RFX6: variants seen among roughly 807,000 people sequenced by gnomAD.
The protein encoded by RFX6 is regulatory factor X6.
Under a neutral mutation model 110.8 loss-of-function variants are expected in RFX6, and 50 were observed. The ratio of observed to expected loss-of-function variants is 0.45; its 90% CI spans 0.36 to 0.57. The LOEUF (loss-of-function observed/expected upper bound fraction) is 0.57. Ranked by LOEUF, RFX6 falls within the 20% of genes least tolerant of loss-of-function variation. The probability of loss-of-function intolerance (pLI) is 0.00; values close to 1 mark genes in which losing one functional copy is unlikely to be tolerated. For synonymous variants in RFX6, 383 were observed against 411.2 expected (o/e 0.93, Z 0.83); for missense variants, 990 against 1,127.0 (o/e 0.88, Z 1.74).
intron 12 of RFX6, 77 bp from the exon 13 acceptor site, chr6:116,921,965 T>C: frequency 1.4e-6 from 1 of 726,896 alleles, no homozygotes; most frequent in Non-Finnish European, 2.4e-6. Flanking sequence ...TTCCAAGTTT[T>C]AGGTTTTCTC....
At chr6:116,914,935 A>C (rs1775431139) in intron 7 of RFX6, among the ~76,000 whole-genome samples, 2 of 152,224 alleles carry the variant, frequency 1.3e-5, no homozygotes, top group Non-Finnish European at 2.9e-5. Context: ...AAAGCACATA[A>C]ATATCAAGTA....
chr6:116,887,114 A>G (rs1774715926), intron 4 of RFX6, among the ~76,000 whole-genome samples: 1 of 152,096 alleles, frequency 6.6e-6, no homozygotes, highest in African/African-American at 2.4e-5. Context: ...AAAAAAATCT[A>G]AACAGACAGG....
intron 7 of RFX6, among the ~76,000 whole-genome samples, chr6:116,915,377 C>T (rs1452179115): frequency 6.6e-6 from 1 of 152,102 alleles, no homozygotes; most frequent in Non-Finnish European, 1.5e-5. Context: ...TGTGTCACAT[C>T]CTATTTTATT....
At position 116,928,939 on chromosome 6, in the gene RFX6, C is replaced by A; in HGVS notation, c.2579C>A (p.Ser860Ter). The change falls in exon 18 of 19, where the codon TCA becomes TAA. Residue 860 changes from serine to a stop codon, truncating the protein, a stop_gained. Coordinates refer to ENST00000332958, the MANE Select transcript of RFX6 (RefSeq NM_173560.4). LOFTEE classifies it high-confidence loss of function. ...KQTSSFYTDT[S>*]SPVACRTPVL... is the part of the protein sequence containing the mutation. ...ACCAGCTCGTTTTACACAGACACAT[C>A]ATCTCCAGTTGCATGTCGAACTCCA... 1 of 1,612,408 alleles carries A rather than the reference C, an allele frequency of 6.2e-7. No homozygotes were observed. Among genetic ancestry groups the A allele is most frequent in the Non-Finnish European group, 8.5e-7 (1 of 1,178,418 alleles).
intron 7 of RFX6, among the ~76,000 whole-genome samples, chr6:116,913,702 T>C (rs1413611378): frequency 6.6e-6 from 1 of 152,220 alleles, no homozygotes. Context: ...GATTTGTATA[T>C]AAAGCAATAA....
chr6:116,905,098 C>T (rs1400476915), intron 6 of RFX6, among the ~76,000 whole-genome samples: 1 of 152,168 alleles, frequency 6.6e-6, no homozygotes, highest in Non-Finnish European at 1.5e-5. Context: ...AACTACCAAA[C>T]TGTTTTACAT....
At chr6:116,878,449 A>G (rs1055105770) in intron 2 of RFX6, among the ~76,000 whole-genome samples, 3 of 152,184 alleles carry the variant, frequency 2.0e-5, no homozygotes, top group Non-Finnish European at 4.4e-5. Context: ...CGGTTAAGAT[A>G]TCTATACTAA....
intron 12 of RFX6, 57 bp from the exon 13 acceptor site, chr6:116,921,984 CA>C: frequency 3.7e-6 from 3 of 804,510 alleles, no homozygotes; most frequent in Non-Finnish European, 6.4e-6. Flanking sequence ...TCTTGGATTC[CA>C]AGTAGAGTAC....
chr6:116,894,666 A>G (rs1206705965), intron 5 of RFX6, among the ~76,000 whole-genome samples: 1 of 152,142 alleles, frequency 6.6e-6, no homozygotes, highest in Non-Finnish European at 1.5e-5. Context: ...GTGATAACAC[A>G]TCATTCATTT....
At chr6:116,899,203 A>G (rs1775015204) in intron 6 of RFX6, among the ~76,000 whole-genome samples, 1 of 152,200 alleles carries the variant, frequency 6.6e-6, no homozygotes. Context: ...AAAGAAAACT[A>G]CAAGTGAAAT....
chr6:116,925,131 A>G (rs1775682483), intron 15 of RFX6, among the ~76,000 whole-genome samples: 1 of 152,232 alleles, frequency 6.6e-6, no homozygotes, highest in African/African-American at 2.4e-5. Context: ...TGGTGTAAAA[A>G]TAAGTTCTAT....
At position 116,920,436 on chromosome 6, in the gene RFX6, T is replaced by G. The variant is rs141706259; in HGVS notation, c.1309T>G (p.Ser437Ala). Residue 437 changes from serine to alanine, a missense_variant, in exon 12 of 19, where the codon TCT becomes GCT. Physicochemically the swap from Ser to Ala is moderately conservative, Grantham distance 99. Coordinates refer to ENST00000332958, the MANE Select transcript of RFX6 (RefSeq NM_173560.4). ...CATTTCAGGCAGCACAGACACTGAA[T>G]CTGGTATCTACACTGAACGTAAGTC... ...LTISGSTDTE[S>A]GIYTEHDSIT... The G allele has an allele frequency of 1.2e-6, 2 of 1,613,190 alleles. No individual in the cohort carries two copies. The highest frequency in any genetic ancestry group is 2.7e-5 in the African/African-American group (2 of 74,804).
intron 6 of RFX6, among the ~76,000 whole-genome samples, chr6:116,900,399 C>G (rs1450652604): frequency 6.6e-6 from 1 of 151,934 alleles, no homozygotes; most frequent in Non-Finnish European, 1.5e-5. Context: ...GGATTACAGG[C>G]GTGCGCCGCC....
At chr6:116,906,609 C>A (rs1396526680) in intron 6 of RFX6, among the ~76,000 whole-genome samples, 2 of 151,670 alleles carry the variant, frequency 1.3e-5, no homozygotes, top group Non-Finnish European at 2.9e-5. Context: ...GTATTTTATT[C>A]TTTTTGATGC....
At chr6:116,926,984 C>T in intron 16 of RFX6, 43 bp from the exon 17 acceptor site, 1 of 1,560,994 alleles carries the variant, frequency 6.4e-7, no homozygotes, top group Non-Finnish European at 8.8e-7. Context: ...AGCTCATCTA[C>T]TTTAATATGA....
chr6:116,880,681 A>C lies in RFX6; in HGVS notation c.504+14A>C. 1 of 1,613,138 alleles carries C rather than the reference A, an allele frequency of 6.2e-7. No individual in the cohort carries two copies. The highest frequency in any genetic ancestry group is 8.5e-7 in the Non-Finnish European group (1 of 1,179,200). Reference sequence around the variant, plus strand: ...ACCTTTGGAAAGGTAAATGACACGTATTGGCTATAGTGACTTATAACTAAA... The same window carrying C: ...ACCTTTGGAAAGGTAAATGACACGTCTTGGCTATAGTGACTTATAACTAAA... On this transcript the variant is annotated intron_variant, in intron 3 of 18. Transcript: ENST00000332958.
At chr6:116,917,239 T>C (rs1775486401) in intron 9 of RFX6, among the ~76,000 whole-genome samples, 1 of 151,932 alleles carries the variant, frequency 6.6e-6, no homozygotes, top group Non-Finnish European at 1.5e-5. Context: ...TACTTCCTCA[T>C]CACAGGATAG....
At chr6:116,913,352 G>A (rs1214153772) in intron 7 of RFX6, among the ~76,000 whole-genome samples, 8 of 152,128 alleles carry the variant, frequency 5.3e-5, no homozygotes, top group Admixed American at 2.6e-4. Flanking sequence ...GTAAGCCACC[G>A]CGCCCAGCCA....
chr6:116,905,674 C>T (rs149363049), intron 6 of RFX6, among the ~76,000 whole-genome samples: 2 of 151,922 alleles, frequency 1.3e-5, no homozygotes, highest in African/African-American at 2.4e-5. Flanking sequence ...GCCTCAGCCT[C>T]CCAAGGAGCT....
Sources: allele counts gnomAD v4.1 joint callset (sites outside exome capture counted in the v4.1 genomes callset), GRCh38; gene constraint gnomAD v4.1.1; transcripts MANE v1.5; gene names NCBI Gene and HGNC (gene_info 2026-07-23, HGNC 2026-07-21).